Variants in SYNE1 observed in about 807,000 individuals in gnomAD.
SYNE1 encodes spectrin repeat containing nuclear envelope protein 1.
Under a neutral mutation model 1,111.0 loss-of-function variants are expected in SYNE1, and 616 were observed. The ratio of observed to expected loss-of-function variants is 0.55; its 90% CI spans 0.52 to 0.59. The LOEUF (loss-of-function observed/expected upper bound fraction) is 0.59. Ranked by LOEUF, SYNE1 falls within the 20% of genes least tolerant of loss-of-function variation. SYNE1 has a pLI of 0.00. For synonymous variants in SYNE1, 3,855 were observed against 3,825.8 expected (o/e 1.01, Z -0.28); for missense variants, 10,006 against 10,417.0 (o/e 0.96, Z 1.72).
At chr6:152,230,083 A>G (rs2082422075) in intron 115 of SYNE1, among the ~76,000 whole-genome samples, 1 of 152,108 alleles carries the variant, frequency 6.6e-6, no homozygotes, top group Non-Finnish European at 1.5e-5. Flanking sequence ...CCCAGGCTGA[A>G]GTGCCATGGT....
chr6:152,432,293 T>C (rs558582370), intron 34 of SYNE1, among the ~76,000 whole-genome samples: 1 of 152,144 alleles, frequency 6.6e-6, no homozygotes, highest in Non-Finnish European at 1.5e-5. Flanking sequence ...AGGAAAAATA[T>C]TACAAGTGTT....
intron 29 of SYNE1, 149 bp from the exon 30 acceptor site, chr6:152,444,727 T>A: frequency 1.4e-6 from 1 of 733,094 alleles, no homozygotes; most frequent in Non-Finnish European, 2.2e-6. Context: ...CACATCAGGC[T>A]AATTAGCCTG....
rs1195301210 is a variant in SYNE1 at position 152,318,175 on chromosome 6, A to G, written c.16478T>C (p.Leu5493Pro). ...VQKFLEQNGQ[L>P]GKPLAKKIGK... The stretch of plus-strand genomic sequence containing the variant: ...TATCTTCTTGGCCAGTGGCTTACCC[A>G]GTTGGCCATTCTGTTCCAAGAATTT... The change falls in exon 86 of 146, where the codon CTG (leucine) becomes CCG (proline). Residue 5493 changes from leucine (L) to proline (P), a missense_variant. Physicochemically the swap from Leu to Pro is moderately conservative, Grantham distance 98. Around this residue, in one of 7 missense-constraint regions of SYNE1, gnomAD observed 4,955 missense variants for 5,017.2 expected, o/e 0.99. Coordinates refer to ENST00000367255, the MANE Select transcript of SYNE1 (RefSeq NM_182961.4). 5.0e-6 allele frequency: 8 copies of G among 1,614,160 alleles called. No homozygotes were observed. The highest frequency in any genetic ancestry group is 6.8e-6 in the Non-Finnish European group (8 of 1,180,022).
chr6:152,269,245 T>C lies in SYNE1; in HGVS notation c.18615A>G (p.Thr6205=), dbSNP rs552884641. The change falls in exon 99 of 146, where the codon ACA becomes ACG. Residue 6205 remains threonine, a synonymous_variant. Transcript: ENST00000367255. ...QEKEESDVDL[T]ATQSPGVQEW... ...CCTGGACGCCGGGGCTCTGCGTGGC[T>C]GTTAGGTCAACATCGCTCTCCTCCT... 1.4e-5 allele frequency: 22 copies of C among 1,614,204 alleles called. No homozygotes were observed. The East Asian group carries it at 2.9e-4, about 21-fold the overall frequency.
Position 152,433,861 on chromosome 6 carries a change from T to G in SYNE1, c.4395A>C (p.Lys1465Asn). Reference protein sequence around the residue: ...FETLSVWITEKEKELNALETS... With the variant: ...FETLSVWITENEKELNALETS... ...TTTCCAAGGCATTGAGTTCTTTTTC[T>G]TTCTCAGTTATCCAGACGGACAGAG... Residue 1465 changes from lysine (K) to asparagine (N), a missense_variant, in exon 34 of 146, where the codon AAA (lysine) becomes AAC (asparagine). By Grantham distance (94) the Lys-to-Asn change is moderately conservative. This residue lies in a region of SYNE1 where 1,971 missense variants were observed against 2,084.1 expected (regional missense o/e 0.95). Coordinates refer to ENST00000367255, the MANE Select transcript of SYNE1 (RefSeq NM_182961.4). The G allele has an allele frequency of 6.2e-7, 1 of 1,613,938 alleles. No individual in the cohort carries two copies. Among genetic ancestry groups the G allele is most frequent in the African/African-American group, 1.3e-5 (1 of 75,054 alleles).
intron 33 of SYNE1, chr6:152,434,618 TG>T (rs2098457153): frequency 6.6e-6 from 1 of 152,156 alleles, no homozygotes; most frequent in African/African-American, 2.4e-5. Flanking sequence ...AGGTTTTATT[TG>T]TAACAAATCT....
intron 51 of SYNE1, among the ~76,000 whole-genome samples, chr6:152,391,898 T>G (rs2154134984): frequency 6.6e-6 from 1 of 152,340 alleles, no homozygotes; most frequent in Non-Finnish European, 1.5e-5. Flanking sequence ...GGCTTCTCCG[T>G]AGCATCTCTG....
chr6:152,407,182 A>G lies in SYNE1; in HGVS notation c.6555T>C (p.Leu2185=), dbSNP rs372505950. Reference sequence around the variant, plus strand: ...CTCTCAGCCTATCCATGTTTTCTTCAAGTTTCTCTGATACCTAGGAGAGAA... The same window carrying G: ...CTCTCAGCCTATCCATGTTTTCTTCGAGTTTCTCTGATACCTAGGAGAGAA... ...VDKWLDVSEK[L]EENMDRLRVS... The change falls in exon 45 of 146, where the codon CTT becomes CTC. Residue 2185 remains leucine (L), a synonymous_variant. Coordinates refer to ENST00000367255, the MANE Select transcript of SYNE1 (RefSeq NM_182961.4). 1.2e-6 allele frequency: 2 copies of G among 1,613,816 alleles called. No individual in the cohort carries two copies. The highest frequency in any genetic ancestry group is 2.7e-5 in the African/African-American group (2 of 74,896).
intron 8 of SYNE1, among the ~76,000 whole-genome samples, chr6:152,506,155 G>A (rs921209723): frequency 3.9e-5 from 6 of 152,094 alleles, no homozygotes; most frequent in African/African-American, 1.2e-4. Context: ...GAATCAAGTT[G>A]GTAGCCATAT....
At chr6:152,175,844 A>G (rs1384521403) in intron 130 of SYNE1, among the ~76,000 whole-genome samples, 1 of 152,176 alleles carries the variant, frequency 6.6e-6, no homozygotes, top group Non-Finnish European at 1.5e-5. Flanking sequence ...TCTGCAACAG[A>G]AAGTGAATGT....
chr6:152,383,735 T>A (rs2097469543), intron 55 of SYNE1, among the ~76,000 whole-genome samples: 1 of 152,214 alleles, frequency 6.6e-6, no homozygotes, highest in Non-Finnish European at 1.5e-5. Flanking sequence ...AACAACAAAT[T>A]AGACACTAAT....
At position 152,164,251 on chromosome 6, in the gene SYNE1, A is replaced by G; in HGVS notation, c.23702T>C (p.Leu7901Pro). Residue 7901 changes from leucine (L) to proline (P), a missense_variant, in exon 131 of 146, where the codon CTC (leucine) becomes CCC (proline). Coordinates refer to ENST00000367255, the MANE Select transcript of SYNE1 (RefSeq NM_182961.4). ...GGCCAGCTCTGACTCGATGTGAGCG[A>G]GCCAGGTCCTCAGGCTGCTCATGTT... ...DKNMSSLRTW[L>P]AHIESELAKP... 1 of 1,614,178 alleles carries G rather than the reference A, an allele frequency of 6.2e-7. No homozygotes were observed. The highest frequency in any genetic ancestry group is 8.5e-7 in the Non-Finnish European group (1 of 1,180,042).
chr6:152,518,402 G>A (rs1257165362), intron 6 of SYNE1, among the ~76,000 whole-genome samples: 4 of 151,806 alleles, frequency 2.6e-5, no homozygotes, highest in African/African-American at 4.8e-5. Context: ...GTGAGTTCTC[G>A]TAAGACGTGG....
intron 106 of SYNE1, among the ~76,000 whole-genome samples, chr6:152,244,074 A>G (rs115114222): frequency 2.1e-3 from 318 of 152,294 alleles, no homozygotes; most frequent in African/African-American, 7.4e-3. Flanking sequence ...ATTCCATTCA[A>G]ACATATATGG....
rs368534747 is a variant in SYNE1, at chr6:152,242,404, G to A, written c.19729C>T (p.Arg6577Trp). Residue 6577 changes from arginine to tryptophan, a missense_variant, in exon 107 of 146, where the codon CGG becomes TGG. Physicochemically the swap from Arg to Trp is moderately radical, Grantham distance 101. This residue lies in a region of SYNE1 where 2,182 missense variants were observed against 2,287.8 expected (regional missense o/e 0.95). Transcript: ENST00000367255. ...AGGTTCTGATTCAGACCACTCCTCC[G>A]GGAGCCAATGATCATCATCAGCTCA... ...YDELMMIIGS[R>W]RSGLNQNLTL... The A allele has an allele frequency of 2.9e-5, 47 of 1,613,652 alleles. 1 individual carries two copies. Among genetic ancestry groups the A allele is most frequent in the Middle Eastern group, 3.3e-4 (2 of 6,084 alleles).
chr6:152,551,087 C>T (rs551292758), intron 3 of SYNE1, among the ~76,000 whole-genome samples: 2 of 152,268 alleles, frequency 1.3e-5, no homozygotes, highest in African/African-American at 2.4e-5. Flanking sequence ...TTCCTGACAC[C>T]TTTTCCTTCC....
At chr6:152,346,967 T>C in intron 73 of SYNE1, 92 bp downstream of exon 73, 2 of 1,476,470 alleles carry the variant, frequency 1.4e-6, no homozygotes, top group Admixed American at 4.1e-5. Flanking sequence ...ATCCAAAGAT[T>C]TGAGCATCGA....
At chr6:152,336,698 G>C (rs1443358549) in intron 76 of SYNE1, 143 bp downstream of exon 76, 3 of 1,082,238 alleles carry the variant, frequency 2.8e-6, no homozygotes, top group Non-Finnish European at 4.1e-6. Flanking sequence ...CCTGGGGCTT[G>C]GGGACCTCTG....
intron 27 of SYNE1, among the ~76,000 whole-genome samples, chr6:152,450,219 T>C (rs891950327): frequency 5.3e-5 from 8 of 152,206 alleles, no homozygotes; most frequent in African/African-American, 1.9e-4. Context: ...CTTCCTGCCA[T>C]CATGTGAAGA....
Sources: gnomAD v4.1 joint callset for allele counts (sites outside exome capture counted in the v4.1 genomes callset) on GRCh38, gnomAD v4.1.1 for gene constraint, gnomAD v4.1.1 regional missense constraint, MANE v1.5 for transcripts, NCBI Gene and HGNC (gene_info 2026-07-23, HGNC 2026-07-21) for gene names.